Variants in DCDC1 observed in about 807,000 individuals in gnomAD.
The protein encoded by DCDC1 is doublecortin domain-containing protein 1.
DCDC1 carries 200 observed loss-of-function variants against 178.3 expected under a neutral mutation model. The ratio of observed to expected loss-of-function variants is 1.12; its 90% CI spans 1.00 to 1.26. DCDC1 has a LOEUF of 1.26. Among genes scored for constraint, DCDC1 ranks in the 50% most tolerant of loss-of-function variants. The pLI is 0.00. For synonymous variants in DCDC1, 690 were observed against 604.8 expected (o/e 1.14, Z -2.07); for missense variants, 1,983 against 1,749.2 (o/e 1.13, Z -2.38).
chr11:31,195,510 A>C (rs1201986818), intron 9 of DCDC1, among the ~76,000 whole-genome samples: 1 of 152,002 alleles, frequency 6.6e-6, no homozygotes, highest in African/African-American at 2.4e-5. Context: ...GTACGGAGAG[A>C]TATAATTTGG....
At chr11:30,917,868 C>A (rs556715377) in intron 25 of DCDC1, among the ~76,000 whole-genome samples, 2 of 152,310 alleles carry the variant, frequency 1.3e-5, no homozygotes, top group Admixed American at 1.3e-4. Context: ...TAACTACAAG[C>A]ATTATTAAAT....
chr11:30,911,557 C>G (rs900986571), intron 27 of DCDC1, 137 bp from the exon 28 acceptor site: 51 of 697,434 alleles, frequency 7.3e-5, no homozygotes, highest in Non-Finnish European at 1.0e-4. Flanking sequence ...AAGAATTTCT[C>G]CCCTACAGTA....
At chr11:31,167,100 G>T (rs1363853777) in intron 9 of DCDC1, among the ~76,000 whole-genome samples, 1 of 152,074 alleles carries the variant, frequency 6.6e-6, no homozygotes, top group African/African-American at 2.4e-5. Flanking sequence ...CATGAATGTA[G>T]GTGGAACTAT....
At chr11:30,943,109 T>G (rs2134403613) in intron 21 of DCDC1, 1 of 152,270 alleles carries the variant, frequency 6.6e-6, no homozygotes, top group South Asian at 2.1e-4. Context: ...GTTTTCTCTG[T>G]GTTCACACTG....
Position 30,894,299 on chromosome 11 carries a change from G to T in DCDC1, c.4851C>A (p.Thr1617=). The change falls in exon 35 of 39, where the codon ACC becomes ACA. Residue 1617 remains threonine (T), a synonymous_variant. Transcript: ENST00000684477. ...GTTTAATTTCCTGTTGAGTCTGTTC[G>T]GTCCAGCCTCCTTCAACCACCACGG... The part of the protein sequence containing the change: ...VQPVVVEGGW[T]EQTQQEIKLM... The T allele has an allele frequency of 6.2e-7, 1 of 1,613,642 alleles. No individual in the cohort carries two copies. Among genetic ancestry groups the T allele is most frequent in the South Asian group, 1.1e-5 (1 of 91,040 alleles).
At chr11:31,304,700 A>C (rs944913414) in intron 6 of DCDC1, among the ~76,000 whole-genome samples, 3 of 152,132 alleles carry the variant, frequency 2.0e-5, no homozygotes, top group Non-Finnish European at 4.4e-5. Flanking sequence ...CTACTTATGC[A>C]ATTACTGCCT....
chr11:31,221,406 G>A (rs1451051730), intron 9 of DCDC1, among the ~76,000 whole-genome samples: 1 of 152,134 alleles, frequency 6.6e-6, no homozygotes, highest in Non-Finnish European at 1.5e-5. Flanking sequence ...TCCCAAACAA[G>A]TCAAAAACCT....
intron 8 of DCDC1, among the ~76,000 whole-genome samples, chr11:31,250,760 T>A (rs1036602176): frequency 1.4e-4 from 10 of 72,430 alleles, no homozygotes; most frequent in Admixed American, 2.7e-4. Context: ...TCCCTAATAT[T>A]TTTTTTTTTT....
intron 9 of DCDC1, among the ~76,000 whole-genome samples, chr11:31,173,765 C>CAG (rs1967580140): frequency 1.5e-5 from 2 of 135,588 alleles, no homozygotes; most frequent in Non-Finnish European, 3.4e-5. Context: ...CACAAACACA[C>CAG]ACACACCCCC....
chr11:31,018,988 A>G (rs1952683797), intron 20 of DCDC1, among the ~76,000 whole-genome samples: 1 of 152,154 alleles, frequency 6.6e-6, no homozygotes, highest in Non-Finnish European at 1.5e-5. Context: ...GATGCAAGAG[A>G]TGGAAAATAA....
At chr11:31,083,901 C>T (rs1957334823) in intron 17 of DCDC1, among the ~76,000 whole-genome samples, 1 of 152,126 alleles carries the variant, frequency 6.6e-6, no homozygotes, top group Non-Finnish European at 1.5e-5. Context: ...GAAGCAATAT[C>T]AATATTGAAT....
At chr11:31,323,398 G>T (rs1170290526) in intron 3 of DCDC1, among the ~76,000 whole-genome samples, 1 of 152,184 alleles carries the variant, frequency 6.6e-6, no homozygotes, top group Non-Finnish European at 1.5e-5. Context: ...AGAAGCCATA[G>T]AATTTTTATG....
chr11:31,167,807 A>T (rs1966850806), intron 9 of DCDC1, among the ~76,000 whole-genome samples: 4 of 152,204 alleles, frequency 2.6e-5, no homozygotes. Context: ...TTTTTAAAAT[A>T]CTGATGCCTC....
At chr11:31,181,069 T>C (rs1010622646) in intron 9 of DCDC1, among the ~76,000 whole-genome samples, 21 of 152,102 alleles carry the variant, frequency 1.4e-4, no homozygotes, top group Non-Finnish European at 2.4e-4. Flanking sequence ...GTAGGTGGTT[T>C]TCCCCTCACA....
intron 9 of DCDC1, among the ~76,000 whole-genome samples, chr11:31,199,414 G>T (rs1479278791): frequency 6.6e-6 from 1 of 152,052 alleles, no homozygotes; most frequent in Non-Finnish European, 1.5e-5. Flanking sequence ...AAAATAATGA[G>T]TCCAAAAGCT....
At chr11:31,046,488 T>C (rs1475989274) in intron 20 of DCDC1, among the ~76,000 whole-genome samples, 9 of 152,104 alleles carry the variant, frequency 5.9e-5, no homozygotes, top group Admixed American at 5.2e-4. Flanking sequence ...AAATTTTTTA[T>C]ACTGTCAAAT....
chr11:31,162,070 A>G (rs1591271547), intron 9 of DCDC1, among the ~76,000 whole-genome samples: 1 of 152,204 alleles, frequency 6.6e-6, no homozygotes, highest in Non-Finnish European at 1.5e-5. Context: ...ATAATAGTTA[A>G]TCTCATGTTT....
chr11:31,269,539 T>C (rs926495745), intron 7 of DCDC1, among the ~76,000 whole-genome samples: 1 of 151,922 alleles, frequency 6.6e-6, no homozygotes, highest in Non-Finnish European at 1.5e-5. Context: ...GTGTACCATA[T>C]GACACCCAGC....
chr11:30,965,408 A>G (rs1025957437), intron 20 of DCDC1, among the ~76,000 whole-genome samples: 1 of 152,116 alleles, frequency 6.6e-6, no homozygotes. Flanking sequence ...TTCTCAGGGT[A>G]TCTGTCCAAT....
Sources: allele counts gnomAD v4.1 joint callset (sites outside exome capture counted in the v4.1 genomes callset), GRCh38; gene constraint gnomAD v4.1.1; transcripts MANE v1.5; gene names NCBI Gene and HGNC (gene_info 2026-07-23, HGNC 2026-07-21).